The following TAFA4 variants were observed in gnomAD, a reference collection of about 807,000 sequenced individuals.
TAFA4 encodes the protein chemokine-like protein TAFA-4.
A neutral mutation model predicts 21.1 loss-of-function variants in TAFA4; 20 were observed. That is an observed-to-expected ratio of 0.95 (90% confidence interval 0.67 to 1.38). The LOEUF (loss-of-function observed/expected upper bound fraction) is 1.38, where lower values mean the gene tolerates loss of function less well. Ranked by LOEUF, TAFA4 falls within the 40% of genes most tolerant of loss-of-function variation. The pLI is 0.00. For missense variants in TAFA4, 211 were observed against 180.9 expected, an observed-to-expected ratio of 1.17 and a Z score of -0.95; for synonymous variants, 71 against 67.4, an observed-to-expected ratio of 1.05 and a Z score of -0.26.
intron 4 of TAFA4, among the ~76,000 whole-genome samples, chr3:68,751,207 G>A (rs184216918): frequency 4.6e-5 from 7 of 152,338 alleles, no homozygotes; most frequent in Admixed American, 4.6e-4. Context: ...CACAGATCTT[G>A]CAGGGCTCGG....
chr3:68,805,417 C>G (rs1344907994), intron 3 of TAFA4, among the ~76,000 whole-genome samples: 2 of 152,202 alleles, frequency 1.3e-5, no homozygotes, highest in East Asian at 3.9e-4. Context: ...GGATCTAGAA[C>G]TAGAAATACC....
chr3:68,918,533 C>T (rs1221675075), intron 1 of TAFA4, among the ~76,000 whole-genome samples: 8 of 151,970 alleles, frequency 5.3e-5, no homozygotes, highest in Non-Finnish European at 8.8e-5. Flanking sequence ...AATTATAAAA[C>T]TTCATTTGAT....
intron 3 of TAFA4, among the ~76,000 whole-genome samples, chr3:68,788,571 A>G (rs907017620): frequency 9.9e-5 from 15 of 151,906 alleles, no homozygotes; most frequent in African/African-American, 3.6e-4. Context: ...CTTTTCACCT[A>G]TGTTTTCCTC....
intron 3 of TAFA4, among the ~76,000 whole-genome samples, chr3:68,763,269 T>C (rs1453305321): frequency 1.3e-5 from 2 of 152,190 alleles, no homozygotes; most frequent in East Asian, 1.9e-4. Flanking sequence ...CAAAAGGCAA[T>C]TGTAAAATGG....
chr3:68,917,753 CAAAA>C (rs55853026), intron 1 of TAFA4, among the ~76,000 whole-genome samples: 1 of 58,186 alleles, frequency 1.7e-5, no homozygotes, highest in African/African-American at 6.4e-5. Flanking sequence ...GACTCTGTCT[CAAAA>C]AAAAAAAAAA....
chr3:68,907,514 G>A (rs1379282349), intron 1 of TAFA4, among the ~76,000 whole-genome samples: 2 of 152,332 alleles, frequency 1.3e-5, no homozygotes, highest in Admixed American at 6.5e-5. Flanking sequence ...TAGGTCTGAC[G>A]CCTGGAGAGG....
At chr3:68,845,017 G>T (rs2106900145) in intron 3 of TAFA4, among the ~76,000 whole-genome samples, 1 of 152,300 alleles carries the variant, frequency 6.6e-6, no homozygotes, top group East Asian at 1.9e-4. Context: ...GGAGCGTTCT[G>T]TAGAGATCTA....
At chr3:68,834,174 G>C (rs1365751400) in intron 3 of TAFA4, among the ~76,000 whole-genome samples, 1 of 152,048 alleles carries the variant, frequency 6.6e-6, no homozygotes, top group African/African-American at 2.4e-5. Context: ...TCCCTTTTAG[G>C]GTCTGCCTAC....
chr3:68,788,670 G>A (rs62254090), intron 3 of TAFA4, among the ~76,000 whole-genome samples: 22,451 of 152,088 alleles, frequency 0.15, 2,241 homozygotes, highest in Middle Eastern at 0.29. Flanking sequence ...GGAGTGCAGT[G>A]GCATCATCAT....
intron 3 of TAFA4, among the ~76,000 whole-genome samples, chr3:68,790,592 G>A (rs917730771): frequency 1.3e-5 from 2 of 152,190 alleles, no homozygotes; most frequent in Non-Finnish European, 2.9e-5. Flanking sequence ...TAAGTTCTCA[G>A]GTAGAAGGTC....
At chr3:68,761,209 T>C (rs1263515275) in intron 3 of TAFA4, among the ~76,000 whole-genome samples, 1 of 152,206 alleles carries the variant, frequency 6.6e-6, no homozygotes, top group African/African-American at 2.4e-5. Flanking sequence ...AAGAACACAG[T>C]GAACTACTTG....
chr3:68,905,022 A>G (rs1165883909), intron 1 of TAFA4, among the ~76,000 whole-genome samples: 1 of 152,108 alleles, frequency 6.6e-6, no homozygotes, highest in Non-Finnish European at 1.5e-5. Context: ...TTTCCTCTAT[A>G]GCAGCTCCCC....
chr3:68,868,764 T>C (rs894253456), intron 3 of TAFA4, among the ~76,000 whole-genome samples: 1 of 151,886 alleles, frequency 6.6e-6, no homozygotes, highest in South Asian at 2.1e-4. Flanking sequence ...GTGAAGATTA[T>C]AGCAATAAAT....
At chr3:68,801,653 C>T (rs1175701919) in intron 3 of TAFA4, among the ~76,000 whole-genome samples, 1 of 152,126 alleles carries the variant, frequency 6.6e-6, no homozygotes, top group Non-Finnish European at 1.5e-5. Context: ...GGTTAGTGAA[C>T]CTTTTCTTAA....
chr3:68,807,918 A>G (rs1703738913), intron 3 of TAFA4, among the ~76,000 whole-genome samples: 1 of 152,208 alleles, frequency 6.6e-6, no homozygotes, highest in Non-Finnish European at 1.5e-5. Flanking sequence ...TTGTCATGCC[A>G]GAGCATCTAC....
At chr3:68,808,640 T>A (rs1703757245) in intron 3 of TAFA4, among the ~76,000 whole-genome samples, 1 of 152,212 alleles carries the variant, frequency 6.6e-6, no homozygotes, top group Admixed American at 6.5e-5. Context: ...AACTCTAGAC[T>A]TTCCTTTATG....
At chr3:68,926,159 G>A (rs370649685) in intron 1 of TAFA4, among the ~76,000 whole-genome samples, 2 of 151,854 alleles carry the variant, frequency 1.3e-5, no homozygotes, top group African/African-American at 4.8e-5. Flanking sequence ...AACCCAAGAG[G>A]GGGTGGTTGC....
chr3:68,848,984 T>C (rs1210960108), intron 3 of TAFA4, among the ~76,000 whole-genome samples: 3 of 152,222 alleles, frequency 2.0e-5, no homozygotes, highest in African/African-American at 7.2e-5. Context: ...TCCTCTGAAA[T>C]TTCTCCCTAA....
intron 3 of TAFA4, among the ~76,000 whole-genome samples, chr3:68,864,842 C>A (rs532099443): frequency 7.0e-6 from 1 of 142,712 alleles, no homozygotes; most frequent in African/African-American, 2.9e-5. Flanking sequence ...AATCATAGAA[C>A]AATTATGCAG....
Sources: gnomAD v4.1 joint callset for allele counts (sites outside exome capture counted in the v4.1 genomes callset) on GRCh38, gnomAD v4.1.1 for gene constraint, MANE v1.5 for transcripts, NCBI Gene and HGNC (gene_info 2026-07-23, HGNC 2026-07-21) for gene names.